ABCD4: variants seen among roughly 807,000 people sequenced by gnomAD.
The protein encoded by ABCD4 is ATP binding cassette subfamily D member 4, also known as lysosomal cobalamin transporter ABCD4.
ABCD4 carries 53 observed loss-of-function variants against 86.3 expected under a neutral mutation model. That is an observed-to-expected ratio of 0.61 (90% CI 0.49 to 0.77). ABCD4 has a LOEUF of 0.77. ABCD4 is among the 30% of genes least tolerant of loss of function. ABCD4 has a pLI of 0.00. For synonymous variants in ABCD4, 328 were observed against 313.6 expected (o/e 1.05, Z -0.49); for missense variants, 757 against 764.5 (o/e 0.99, Z 0.12).
At chr14:74,299,437 A>AAC in intron 3 of ABCD4, 111 bp downstream of exon 3, 1 of 1,387,004 alleles carries the variant, frequency 7.2e-7, no homozygotes, top group East Asian at 2.4e-5. Context: ...AAAGGGAGGA[A>AAC]ACACACCCCC....
Position 74,287,828 on chromosome 14 carries a change from G to C in ABCD4, c.1618C>G (p.Leu540Val), listed in dbSNP as rs1387935961. Residue 540 changes from leucine to valine, a missense_variant, in exon 17 of 19, where the codon CTG becomes GTG. By Grantham distance (32) the Leu-to-Val change is conservative. Transcript: ENST00000356924. ...QRLSFARLFYLQPKYAVLDEA... is the reference protein window; with the variant it reads ...QRLSFARLFYVQPKYAVLDEA... The stretch of plus-strand genomic sequence containing the variant: ...ACCTCACCTGCGTACTTCGGCTGCA[G>C]GTAGAAGAGTCGGGCAAAGGAGAGC... The C allele has an allele frequency of 1.2e-6, 2 of 1,612,662 alleles. No homozygotes were observed. Among genetic ancestry groups the C allele is most frequent in the African/African-American group, 2.7e-5 (2 of 74,894 alleles).
Position 74,290,174 on chromosome 14 carries a change from G to A in ABCD4, c.1328-56C>T, listed in dbSNP as rs1360501296. The A allele has an allele frequency of 4.3e-6, 7 of 1,611,150 alleles. No homozygotes were observed. The Admixed American group carries it at 1.2e-4, about 27-fold the overall frequency. Reference sequence around the variant, plus strand: ...GATCTCCCAGAAGAGGCAACTGCCTGTCTCCTCTCTTCCTTGTTCCCCAAC... The same window carrying A: ...GATCTCCCAGAAGAGGCAACTGCCTATCTCCTCTCTTCCTTGTTCCCCAAC... On this transcript the variant is annotated intron_variant, in intron 12 of 18. Coordinates refer to ENST00000356924, the MANE Select transcript of ABCD4 (RefSeq NM_005050.4).
intron 5 of ABCD4, 129 bp downstream of exon 5, chr14:74,296,204 G>C: frequency 8.9e-7 from 1 of 1,126,554 alleles, no homozygotes; most frequent in South Asian, 1.4e-5. Flanking sequence ...CTGAGCACGT[G>C]GGATGGGTGA....
intron 17 of ABCD4, among the ~76,000 whole-genome samples, chr14:74,287,480 G>C (rs1035549435): frequency 6.6e-6 from 1 of 150,564 alleles, no homozygotes; most frequent in African/African-American, 2.5e-5. Flanking sequence ...CTTAAGCCTG[G>C]GAGTTCCAGG....
Position 74,300,144 on chromosome 14 carries a change from A to ACTCACTACTGGG in ABCD4, c.157+5_157+6insCCCAGTAGTGAG. The ACTCACTACTGGG allele has an allele frequency of 6.3e-7, 1 of 1,577,310 alleles. No individual in the cohort carries two copies. The highest frequency in any genetic ancestry group is 8.7e-7 in the Non-Finnish European group (1 of 1,147,968). On this transcript the variant is annotated splice_donor_region_variant and intron_variant, in intron 2 of 18. Transcript: ENST00000356924. ...TCCCTCCTCTAGTCTGGGCTCACTC[A>ACTCACTACTGGG]CTCACCCAGTAGGGTCAGGCACAAA...
At chr14:74,289,595 C>T in intron 13 of ABCD4, 76 bp from the exon 14 acceptor site, 2 of 1,578,388 alleles carry the variant, frequency 1.3e-6, no homozygotes, top group Non-Finnish European at 1.7e-6. Flanking sequence ...ACCCTCCCTC[C>T]AGAACCCACT....
In ABCD4 at chr14:74,290,589, G is replaced by A. The variant is rs11846150; in HGVS notation, c.1119-90C>T. The A allele has an allele frequency of 0.017, 16,050 of 956,064 alleles. 1,631 individuals are homozygous for A. In the African/African-American group the frequency reaches 0.23, roughly 13 times the overall value. 59.2% of individuals were successfully genotyped at this position (956,064 alleles called of 1,614,324 possible). On this transcript the variant is annotated intron_variant, in intron 11 of 18. Coordinates refer to ENST00000356924, the MANE Select transcript of ABCD4 (RefSeq NM_005050.4). ...ACTGCTCCCGGGAGCCACCACCTGT[G>A]GATTATTATGGGCTGACTTGCATCC...
intron 6 of ABCD4, among the ~76,000 whole-genome samples, chr14:74,295,546 C>T (rs1265630692): frequency 6.6e-6 from 1 of 152,228 alleles, no homozygotes; most frequent in Non-Finnish European, 1.5e-5. Flanking sequence ...TGATCCAAGA[C>T]AGGGCGGTTA....
At chr14:74,295,446 C>T (rs1421867933) in intron 6 of ABCD4, among the ~76,000 whole-genome samples, 5 of 152,186 alleles carry the variant, frequency 3.3e-5, no homozygotes, top group Admixed American at 6.5e-5. Flanking sequence ...TATTCCTGCT[C>T]ACAGCATCTC....
intron 1 of ABCD4, 89 bp downstream of exon 1, chr14:74,302,786 C>A: frequency 7.5e-7 from 1 of 1,334,624 alleles, no homozygotes; most frequent in Non-Finnish European, 9.8e-7. Context: ...GGCGCCAGGG[C>A]GGCGGACGAG....
intron 10 of ABCD4, 78 bp downstream of exon 10, chr14:74,292,473 G>C (rs2081781157): frequency 2.5e-6 from 4 of 1,590,740 alleles, no homozygotes; most frequent in Non-Finnish European, 3.4e-6. Flanking sequence ...GTATGTCTCT[G>C]TTCCTTTTTT....
In ABCD4 at chr14:74,295,188, T is replaced by C; in HGVS notation, c.679A>G (p.Met227Val). Reference sequence around the variant, plus strand: ...GGCTCCGCATTCACCCGAATCTGCATGTGCTTGAACCTGGGCGGACCAAAG... The same window carrying C: ...GGCTCCGCATTCACCCGAATCTGCACGTGCTTGAACCTGGGCGGACCAAAG... ...KLEGDFRFKHMQIRVNAEPAA... is the reference protein window; with the variant it reads ...KLEGDFRFKHVQIRVNAEPAA... The change falls in exon 7 of 19, where the codon ATG (methionine) becomes GTG (valine). Residue 227 changes from methionine (M) to valine (V), a missense_variant. Transcript: ENST00000356924. The C allele has an allele frequency of 1.2e-6, 2 of 1,614,234 alleles. No homozygotes were observed. Among genetic ancestry groups the C allele is most frequent in the Non-Finnish European group, 1.7e-6 (2 of 1,180,042 alleles).
rs375098533 is a variant in ABCD4 at position 74,292,287 on chromosome 14, G to A, written c.1118C>T (p.Thr373Ile). Residue 373 changes from threonine to isoleucine, a missense_variant and splice_region_variant, in exon 11 of 19, where the codon ACA becomes ATA. Thr to Ile is a moderately conservative substitution (Grantham distance 89, BLOSUM62 -1). Transcript: ENST00000356924. The stretch of plus-strand genomic sequence containing the variant: ...ACTGCTCTGCCAGCCCGCTACTCAC[G>A]TGTCCAAGCCCCACTCGCTCTCGCC... Reference protein sequence around the residue: ...ILGESEWGLDTPPGWPAAEPA... With the variant: ...ILGESEWGLDIPPGWPAAEPA... 4 of 1,613,880 alleles carry A rather than the reference G, an allele frequency of 2.5e-6. No homozygotes were observed. Among genetic ancestry groups the A allele is most frequent in the East Asian group, 2.2e-5 (1 of 44,880 alleles).
intron 8 of ABCD4, 57 bp from the exon 9 acceptor site, chr14:74,292,926 C>T (rs2081932739): frequency 5.0e-6 from 8 of 1,610,714 alleles, no homozygotes; most frequent in Middle Eastern, 1.6e-4. Context: ...CTACAGCGGA[C>T]ACAACCCTAA....
In ABCD4 at chr14:74,292,594, C is replaced by T. The variant is rs778245156; in HGVS notation, c.985G>A (p.Asp329Asn). Reference protein sequence around the residue: ...YLISCFTQLIDLSTTLSDVAG... With the variant: ...YLISCFTQLINLSTTLSDVAG... ...ACATCTGAGAGCGTCGTGGACAGGT[C>T]GATGAGCTGGGTGAAGCAGCTGATG... Residue 329 changes from aspartate to asparagine, a missense_variant, in exon 10 of 19, where the codon GAC (aspartate) becomes AAC (asparagine). Coordinates refer to ENST00000356924, the MANE Select transcript of ABCD4 (RefSeq NM_005050.4). 7 of 1,613,094 alleles carry T rather than the reference C, an allele frequency of 4.3e-6. No homozygotes were observed. Among genetic ancestry groups the T allele is most frequent in the African/African-American group, 1.3e-5 (1 of 74,674 alleles).
chr14:74,293,180 A>G lies in ABCD4; in HGVS notation c.788T>C (p.Leu263Pro). 6.2e-6 allele frequency: 10 copies of G among 1,614,124 alleles called. No homozygotes were observed. Among genetic ancestry groups the G allele is most frequent in the Non-Finnish European group, 8.5e-6 (10 of 1,180,000 alleles). The part of the protein sequence containing the change: ...LQRLLQTQRE[L>P]MSKELWLYIG... ...GTACAGCCAGAGCTCCTTGGACATC[A>G]GCTCCCTCTGGGTCTGAAGGAGTCT... Residue 263 changes from leucine (L) to proline (P), a missense_variant, in exon 8 of 19, where the codon CTG (leucine) becomes CCG (proline). Transcript: ENST00000356924.
At chr14:74,295,039 C>T in intron 7 of ABCD4, 109 bp downstream of exon 7, 2 of 1,358,268 alleles carry the variant, frequency 1.5e-6, no homozygotes, top group South Asian at 1.2e-5. Flanking sequence ...CCAAGTGTGA[C>T]AACACTCAGC....
At chr14:74,301,219 G>A (rs1446538742) in intron 1 of ABCD4, among the ~76,000 whole-genome samples, 1 of 150,806 alleles carries the variant, frequency 6.6e-6, no homozygotes, top group Non-Finnish European at 1.5e-5. Flanking sequence ...GAATGCAGTG[G>A]TGCGATCTCA....
At chr14:74,288,811 T>A in intron 14 of ABCD4, 46 bp from the exon 15 acceptor site, 1 of 1,605,104 alleles carries the variant, frequency 6.2e-7, no homozygotes, top group Middle Eastern at 1.7e-4. Flanking sequence ...GCCTCCTGGC[T>A]GGTCAAAATA....
Sources: gnomAD v4.1 joint callset for allele counts (sites outside exome capture counted in the v4.1 genomes callset) on GRCh38, gnomAD v4.1.1 for gene constraint, MANE v1.5 for transcripts, NCBI Gene and HGNC (gene_info 2026-07-23, HGNC 2026-07-21) for gene names.